HSP90AA1: variants seen among roughly 807,000 people sequenced by gnomAD.
The protein encoded by HSP90AA1 is heat shock protein 90 alpha family class A member 1.
A neutral mutation model predicts 73.3 loss-of-function variants in HSP90AA1; 18 were observed. That is an observed-to-expected ratio of 0.25 (90% CI 0.17 to 0.36). HSP90AA1 has a LOEUF of 0.36. Among genes scored for constraint, HSP90AA1 ranks in the 10% least tolerant of loss-of-function variants. HSP90AA1 has a pLI of 1.00. For synonymous variants in HSP90AA1, 477 were observed against 296.9 expected (o/e 1.61, Z -6.24); for missense variants, 704 against 874.2 (o/e 0.81, Z 2.45).
upstream of HSP90AA1, chr14:102,139,695 A>G (rs2050220297): frequency 2.9e-6 from 2 of 679,850 alleles, no homozygotes; most frequent in African/African-American, 1.8e-5. Context: ...CCGGGGGAGG[A>G]GCCTGCGGAC....
chr14:102,083,455 T>G, intron 8 of HSP90AA1, 91 bp downstream of exon 8: 1 of 1,432,914 alleles, frequency 7.0e-7, no homozygotes, highest in Non-Finnish European at 9.8e-7. Context: ...CAATACCAGT[T>G]GTAACAGTGC....
At chr14:102,116,308 T>G (rs2049706217) in intron 1 of HSP90AA1, among the ~76,000 whole-genome samples, 6 of 152,250 alleles carry the variant, frequency 3.9e-5, no homozygotes, top group Admixed American at 6.5e-5. Context: ...TGTTCCTGTT[T>G]GCTCAGATCC....
At position 102,085,870 on chromosome 14, in the gene HSP90AA1, A is replaced by G; in HGVS notation, c.417T>C (p.Tyr139=). The change falls in exon 3 of 11, where the codon TAT becomes TAC. Residue 139 remains tyrosine, a synonymous_variant. Transcript: ENST00000216281. The part of the protein sequence containing the change: ...SMIGQFGVGF[Y]SAYLVAEKVT... ...CTTTCTCAGCAACCAAATAAGCAGA[A>G]TAAAAACCAACACCGAACTGGCCAA... The G allele has an allele frequency of 6.2e-7, 1 of 1,614,026 alleles. No individual in the cohort carries two copies. The highest frequency in any genetic ancestry group is 8.5e-7 in the Non-Finnish European group (1 of 1,179,874).
intron 2 of HSP90AA1, among the ~76,000 whole-genome samples, chr14:102,092,856 C>T (rs2049376182): frequency 6.6e-6 from 1 of 151,968 alleles, no homozygotes; most frequent in African/African-American, 2.4e-5. Context: ...GTTCAAGTAA[C>T]TCTCATGCTT....
At chr14:102,088,429 G>A (rs1446361845), upstream of HSP90AA1, among the ~76,000 whole-genome samples, 1 of 152,236 alleles carries the variant, frequency 6.6e-6, no homozygotes, top group African/African-American at 2.4e-5. Flanking sequence ...GGTCTTTAGG[G>A]AAACGCAACT....
intron 1 of HSP90AA1, among the ~76,000 whole-genome samples, chr14:102,116,778 T>A (rs1015698055): frequency 1.3e-5 from 2 of 151,684 alleles, no homozygotes; most frequent in African/African-American, 4.8e-5. Flanking sequence ...GCTGCCACAA[T>A]GGGGCTGGGC....
chr14:102,090,424 T>G (rs1462152851), upstream of HSP90AA1, among the ~76,000 whole-genome samples: 2 of 151,136 alleles, frequency 1.3e-5, no homozygotes, highest in South Asian at 2.1e-4. Flanking sequence ...CTGTCCAGCC[T>G]CCTCCTCTTC....
Position 102,081,614 on chromosome 14 carries a change from T to A in HSP90AA1, c.*98A>T. ...AAAGTAGTTGTCATGCCATACAGAC[T>A]TTTTAATATTAACAAAAATAAAGAA... On this transcript the variant is annotated 3_prime_UTR_variant, in exon 11 of 11. Coordinates refer to ENST00000216281, the MANE Select transcript of HSP90AA1 (RefSeq NM_005348.4). 1 of 753,392 alleles carries A rather than the reference T, an allele frequency of 1.3e-6. No individual in the cohort carries two copies. The highest frequency in any genetic ancestry group is 2.4e-6 in the Non-Finnish European group (1 of 408,184). The allele number at this position is 753,392 out of a possible 1,614,324, so 46.7% of individuals were successfully genotyped here.
At chr14:102,124,123 C>T (rs1419683802) in intron 1 of HSP90AA1, among the ~76,000 whole-genome samples, 1 of 151,546 alleles carries the variant, frequency 6.6e-6, no homozygotes, top group African/African-American at 2.4e-5. Context: ...ACATTTTCTT[C>T]CATTATACTT....
intron 2 of HSP90AA1, among the ~76,000 whole-genome samples, chr14:102,093,596 C>T (rs1025356236): frequency 1.3e-5 from 2 of 152,086 alleles, no homozygotes; most frequent in East Asian, 1.9e-4. Flanking sequence ...TCCTGCCACT[C>T]GCTGGCTGTG....
chr14:102,139,206 T>C (rs373464946), intron 1 of HSP90AA1: 5 of 1,611,340 alleles, frequency 3.1e-6, no homozygotes, highest in Admixed American at 3.3e-5. Flanking sequence ...CTACCCCGCC[T>C]GAAATAAAAC....
chr14:102,134,982 G>C (rs1017792612), intron 1 of HSP90AA1, among the ~76,000 whole-genome samples: 20 of 151,602 alleles, frequency 1.3e-4, no homozygotes, highest in African/African-American at 2.4e-4. Context: ...GGTTCTCCAC[G>C]TCCCCATCAG....
At position 102,081,662 on chromosome 14, in the gene HSP90AA1, T is replaced by A. The variant is rs1244857785; in HGVS notation, c.*50A>T. 2.4e-6 allele frequency: 2 copies of A among 831,704 alleles called. No individual in the cohort carries two copies. The allele number at this position is 831,704 out of a possible 1,614,324, so 51.5% of individuals were successfully genotyped here. ...GAAAAACATCCTTGAAAATATATTA[T>A]CAGAGGAATTGTAGAGTACTGAACA... On this transcript the variant is annotated 3_prime_UTR_variant, in exon 11 of 11. Transcript: ENST00000216281.
At chr14:102,087,946 T>C (rs1386492269), upstream of HSP90AA1, among the ~76,000 whole-genome samples, 668 of 123,370 alleles carry the variant, frequency 5.4e-3, 8 homozygotes, top group African/African-American at 0.02. Context: ...TTTTTTTTTT[T>C]TTTTCTTTTT....
chr14:102,104,698 T>A (rs968838808), intron 1 of HSP90AA1, among the ~76,000 whole-genome samples: 3 of 152,120 alleles, frequency 2.0e-5, no homozygotes, highest in African/African-American at 7.2e-5. Context: ...TTATTCCTTC[T>A]AACTGTATTT....
Position 102,081,767 on chromosome 14 carries a change from T to G in HSP90AA1, c.2144A>C (p.Glu715Ala). The change falls in exon 11 of 11, where the codon GAA (glutamate) becomes GCA (alanine). Residue 715 changes from glutamate (E) to alanine (A), a missense_variant. Coordinates refer to ENST00000216281, the MANE Select transcript of HSP90AA1 (RefSeq NM_005348.4). ...ADDTSAAVTE[E>A]MPPLEGDDDT... ...GTCATCTCCTTCAAGGGGTGGCATTTCTTCAGTTACAGCAGCACTGGTATC... is the reference window on the plus strand; with the variant it reads ...GTCATCTCCTTCAAGGGGTGGCATTGCTTCAGTTACAGCAGCACTGGTATC... 6.3e-7 allele frequency: 1 copy of G among 1,599,766 alleles called. No individual in the cohort carries two copies. The highest frequency in any genetic ancestry group is 1.7e-4 in the Middle Eastern group (1 of 6,040).
At chr14:102,104,987 A>G (rs929630210) in intron 1 of HSP90AA1, among the ~76,000 whole-genome samples, 1 of 150,634 alleles carries the variant, frequency 6.6e-6, no homozygotes, top group Admixed American at 6.6e-5. Flanking sequence ...TCACGAGGTC[A>G]GGAAATCGAG....
At chr14:102,133,729 C>T (rs1225331667) in intron 1 of HSP90AA1, among the ~76,000 whole-genome samples, 8 of 152,044 alleles carry the variant, frequency 5.3e-5, no homozygotes, top group Admixed American at 2.6e-4. Flanking sequence ...ATGATCCGCC[C>T]GCCTCAGCCT....
At chr14:102,091,572 G>T (rs540493021), upstream of HSP90AA1, among the ~76,000 whole-genome samples, 17 of 152,060 alleles carry the variant, frequency 1.1e-4, no homozygotes, top group South Asian at 3.5e-3. Context: ...GCTGCAGTGA[G>T]CCGAGATTGC....
Sources: allele counts gnomAD v4.1 joint callset (sites outside exome capture counted in the v4.1 genomes callset), GRCh38; gene constraint gnomAD v4.1.1; transcripts MANE v1.5; gene names NCBI Gene and HGNC (gene_info 2026-07-23, HGNC 2026-07-21).